The following PTPN9 variants were observed in gnomAD, a reference collection of about 807,000 sequenced individuals.
PTPN9 encodes protein tyrosine phosphatase non-receptor type 9, also known as tyrosine-protein phosphatase non-receptor type 9.
Under a neutral mutation model 69.8 loss-of-function variants are expected in PTPN9, and 26 were observed. That is an observed-to-expected ratio of 0.37 (90% CI 0.27 to 0.52). The LOEUF is 0.52. Ranked by LOEUF, PTPN9 falls within the 20% of genes least tolerant of loss-of-function variation. The pLI, the probability that PTPN9 is intolerant of heterozygous loss-of-function variation, is 0.91. For synonymous variants in PTPN9, 274 were observed against 272.5 expected (o/e 1.01, Z -0.05); for missense variants, 549 against 740.3 (o/e 0.74, Z 3.00).
At chr15:75,502,942 A>C (rs571809201) in intron 7 of PTPN9, among the ~76,000 whole-genome samples, 3 of 152,234 alleles carry the variant, frequency 2.0e-5, no homozygotes, top group Non-Finnish European at 4.4e-5. Flanking sequence ...GAAGCACCCA[A>C]TGGTGCCCAG....
intron 4 of PTPN9, among the ~76,000 whole-genome samples, chr15:75,518,557 C>T (rs2141317879): frequency 6.6e-6 from 1 of 151,728 alleles, no homozygotes; most frequent in African/African-American, 2.4e-5. Flanking sequence ...GTGGCTCACA[C>T]CTATAATCCC....
At chr15:75,500,283 G>A (rs2074765382) in intron 7 of PTPN9, among the ~76,000 whole-genome samples, 1 of 151,906 alleles carries the variant, frequency 6.6e-6, no homozygotes, top group Admixed American at 6.6e-5. Context: ...CTGCACTCTA[G>A]CCTGGCCGAG....
Position 75,551,635 on chromosome 15 carries a change from T to C in PTPN9, c.64-24374A>G, listed in dbSNP as rs185071179. ...TGTATCTGTCTCTGGCCTAGTCCCA[T>C]TGATGGCAATGAGCACATTACAGAG... On this transcript the variant is annotated intron_variant, in intron 1 of 12. Coordinates refer to ENST00000618819, the MANE Select transcript of PTPN9 (RefSeq NM_002833.4). Among the ~76,000 whole-genome samples the C allele has an allele frequency of 2.4e-3, 366 of 152,268 alleles. 2 individuals are homozygous for C. The highest frequency in any genetic ancestry group is 8.4e-3 in the African/African-American group (348 of 41,544).
At chr15:75,510,899 C>T (rs560588354) in intron 5 of PTPN9, among the ~76,000 whole-genome samples, 1 of 151,712 alleles carries the variant, frequency 6.6e-6, no homozygotes, top group African/African-American at 2.4e-5. Flanking sequence ...TCCCTAGTAA[C>T]CTTGGTTCTA....
At chr15:75,473,422 TG>T (rs1431324186) in intron 10 of PTPN9, among the ~76,000 whole-genome samples, 4 of 152,042 alleles carry the variant, frequency 2.6e-5, no homozygotes, top group African/African-American at 9.7e-5. Context: ...GCTAATTTTT[TG>T]TATTTTTAAT....
intron 7 of PTPN9, among the ~76,000 whole-genome samples, chr15:75,503,556 C>T (rs1188865502): frequency 2.4e-5 from 3 of 124,538 alleles, no homozygotes; most frequent in Non-Finnish European, 3.5e-5. Context: ...GGGGGGTCAG[C>T]CCCCCGCCCG....
intron 2 of PTPN9, among the ~76,000 whole-genome samples, chr15:75,525,435 C>T (rs914358611): frequency 5.3e-5 from 8 of 151,134 alleles, no homozygotes; most frequent in Admixed American, 5.3e-4. Flanking sequence ...CTGAAGCGAT[C>T]CACCCGCCTC....
Position 75,517,249 on chromosome 15 carries a change from A to C in PTPN9, c.528+10T>G, listed in dbSNP as rs533652172. The C allele has an allele frequency of 1.2e-6, 2 of 1,601,966 alleles. No individual in the cohort carries two copies. Among genetic ancestry groups the C allele is most frequent in the South Asian group, 2.2e-5 (2 of 90,440 alleles). On this transcript the variant is annotated intron_variant, in intron 5 of 12. Coordinates refer to ENST00000618819, the MANE Select transcript of PTPN9 (RefSeq NM_002833.4). ...TGAAGGAAACTTGAGAGGGCCCTCC[A>C]TAGCCTTACCTTCAGCAGGTTTAGG...
intron 9 of PTPN9, among the ~76,000 whole-genome samples, chr15:75,476,989 A>G (rs187524669): frequency 1.1e-4 from 16 of 152,340 alleles, no homozygotes; most frequent in Admixed American, 5.9e-4. Flanking sequence ...AGATACTAAG[A>G]AGGGAAAGTT....
At chr15:75,487,488 A>C (rs1289356445) in intron 8 of PTPN9, 4 of 152,256 alleles carry the variant, frequency 2.6e-5, no homozygotes, top group Non-Finnish European at 2.9e-5. Context: ...AGAATCTCCC[A>C]GTACACTAAG....
intron 1 of PTPN9, among the ~76,000 whole-genome samples, chr15:75,537,784 C>T (rs1451622434): frequency 3.7e-5 from 3 of 80,686 alleles, no homozygotes; most frequent in African/African-American, 5.5e-5. Flanking sequence ...AAAGGCCAGG[C>T]GTGGTGGCTC....
At chr15:75,572,906 A>G (rs1023266043) in intron 1 of PTPN9, among the ~76,000 whole-genome samples, 26 of 152,272 alleles carry the variant, frequency 1.7e-4, no homozygotes, top group Admixed American at 1.4e-3. Context: ...CAGAGTATAC[A>G]GTATGTTTCC....
chr15:75,506,823 C>G (rs2074822286), intron 6 of PTPN9, among the ~76,000 whole-genome samples: 1 of 152,058 alleles, frequency 6.6e-6, no homozygotes, highest in African/African-American at 2.4e-5. Flanking sequence ...GCTGTCGCCT[C>G]TTCTTGGAAT....
At chr15:75,497,788 G>A (rs2074751007) in intron 7 of PTPN9, among the ~76,000 whole-genome samples, 2 of 135,132 alleles carry the variant, frequency 1.5e-5, no homozygotes, top group Admixed American at 1.5e-4. Flanking sequence ...GGCAACAAGA[G>A]CAAAACTCTG....
chr15:75,500,893 A>T (rs912888621), intron 7 of PTPN9, among the ~76,000 whole-genome samples: 8 of 152,000 alleles, frequency 5.3e-5, no homozygotes, highest in African/African-American at 7.2e-5. Flanking sequence ...TCTCTAAAAA[A>T]AATAATAATA....
intron 1 of PTPN9, among the ~76,000 whole-genome samples, chr15:75,532,721 T>G (rs1595963290): frequency 2.6e-5 from 4 of 152,350 alleles, no homozygotes; most frequent in African/African-American, 4.8e-5. Context: ...CAAATACACA[T>G]GCGTAGCACC....
intron 9 of PTPN9, among the ~76,000 whole-genome samples, chr15:75,474,240 C>T (rs993478123): frequency 4.6e-5 from 7 of 152,190 alleles, no homozygotes; most frequent in African/African-American, 1.7e-4. Context: ...TTTATCTTGG[C>T]CGGGTGCAGT....
chr15:75,529,267 G>A (rs1178940204), intron 1 of PTPN9, among the ~76,000 whole-genome samples: 1 of 152,086 alleles, frequency 6.6e-6, no homozygotes, highest in East Asian at 1.9e-4. Context: ...TTACAGGTGT[G>A]AGCCACCGCA....
chr15:75,560,072 G>A (rs1441693786), intron 1 of PTPN9, among the ~76,000 whole-genome samples: 2 of 151,546 alleles, frequency 1.3e-5, no homozygotes, highest in Admixed American at 6.6e-5. Context: ...TCTGGGAGGC[G>A]GAGGTTGCAG....
Sources: gnomAD v4.1 joint callset for allele counts (sites outside exome capture counted in the v4.1 genomes callset) on GRCh38, gnomAD v4.1.1 for gene constraint, MANE v1.5 for transcripts, NCBI Gene and HGNC (gene_info 2026-07-23, HGNC 2026-07-21) for gene names.